Variants in ARHGAP35 observed in about 807,000 individuals in gnomAD.
ARHGAP35 encodes rho GTPase-activating protein 35.
Under a neutral mutation model 111.1 loss-of-function variants are expected in ARHGAP35, and 15 were observed. That is an observed-to-expected ratio of 0.13 (90% CI 0.09 to 0.21). ARHGAP35 has a LOEUF of 0.21. Ranked by LOEUF, ARHGAP35 falls within the 10% of genes least tolerant of loss-of-function variation. The pLI is 1.00. For missense variants in ARHGAP35, 1,262 were observed against 1,873.0 expected, an observed-to-expected ratio of 0.67 and a Z score of 6.02; for synonymous variants, 643 against 710.3, an observed-to-expected ratio of 0.91 and a Z score of 1.51.
chr19:46,929,050 C>A (rs1224726593), intron 2 of ARHGAP35, among the ~76,000 whole-genome samples: 3 of 152,072 alleles, frequency 2.0e-5, no homozygotes, highest in Non-Finnish European at 4.4e-5. Flanking sequence ...GTGGTCCTTC[C>A]TGTTCATCCG....
chr19:46,872,186 G>T (rs1362478471), intron 1 of ARHGAP35, among the ~76,000 whole-genome samples: 1 of 152,108 alleles, frequency 6.6e-6, no homozygotes, highest in Non-Finnish European at 1.5e-5. Context: ...AATACTTGAC[G>T]TGGGAAAGTG....
intron 3 of ARHGAP35, among the ~76,000 whole-genome samples, chr19:46,971,503 G>C (rs1405128533): frequency 2.0e-5 from 3 of 151,224 alleles, no homozygotes; most frequent in Non-Finnish European, 4.4e-5. Context: ...TCTCTTTTTT[G>C]GGGTTTTTTT....
chr19:46,958,158 C>T (rs527254005), intron 3 of ARHGAP35, among the ~76,000 whole-genome samples: 18 of 152,248 alleles, frequency 1.2e-4, no homozygotes, highest in African/African-American at 3.6e-4. Context: ...CCGAGGCGGG[C>T]GGATCACGAG....
chr19:46,937,564 A>G (rs2056316794), intron 3 of ARHGAP35, among the ~76,000 whole-genome samples, 156 bp downstream of exon 3: 1 of 152,180 alleles, frequency 6.6e-6, no homozygotes, highest in African/African-American at 2.4e-5. Flanking sequence ...TCAGATGTGT[A>G]GATTCTCCAT....
intron 1 of ARHGAP35, among the ~76,000 whole-genome samples, chr19:46,890,486 T>C (rs1791626439): frequency 6.6e-6 from 1 of 152,258 alleles, no homozygotes; most frequent in Non-Finnish European, 1.5e-5. Flanking sequence ...GATACACATG[T>C]AAGTGCTCAG....
At position 46,921,012 on chromosome 19, in the gene ARHGAP35, T is replaced by A; in HGVS notation, c.2337T>A (p.Asp779Glu). 6.2e-7 allele frequency: 1 copy of A among 1,614,022 alleles called. No individual in the cohort carries two copies. Among genetic ancestry groups the A allele is most frequent in the South Asian group, 1.1e-5 (1 of 91,088 alleles). ...SSTASIKDLA[D>E]VDLRIVMCLM... ...CTGCTAGCATCAAAGATTTGGCTGA[T>A]GTTGATCTGCGAATTGTTATGTGTC... Residue 779 changes from aspartate to glutamate, a missense_variant, in exon 2 of 7, where the codon GAT becomes GAA. Physicochemically the swap from Asp to Glu is conservative, Grantham distance 45. Coordinates refer to ENST00000672722, the MANE Select transcript of ARHGAP35 (RefSeq NM_004491.5). The surrounding 1 kb of genome is among the most constrained non-coding windows in gnomAD (Gnocchi z 4.3).
intron 1 of ARHGAP35, among the ~76,000 whole-genome samples, chr19:46,877,112 G>C (rs1040863237): frequency 6.6e-6 from 1 of 151,702 alleles, no homozygotes; most frequent in East Asian, 1.9e-4. Context: ...AGTCAGGCGT[G>C]GTGGCGCATG....
intron 1 of ARHGAP35, among the ~76,000 whole-genome samples, chr19:46,861,419 C>G (rs1487415757): frequency 1.3e-5 from 2 of 150,262 alleles, no homozygotes; most frequent in Non-Finnish European, 3.0e-5. Context: ...CCCTCCTGCC[C>G]TTTGGACCTG....
intron 1 of ARHGAP35, among the ~76,000 whole-genome samples, chr19:46,864,682 C>G (rs1599787738): frequency 6.6e-6 from 1 of 152,208 alleles, no homozygotes; most frequent in Admixed American, 6.5e-5. Flanking sequence ...TTAAAATTTT[C>G]TGACAGAATC....
At chr19:46,958,687 G>T (rs1335083228) in intron 3 of ARHGAP35, among the ~76,000 whole-genome samples, 1 of 152,198 alleles carries the variant, frequency 6.6e-6, no homozygotes, top group Admixed American at 6.5e-5. Context: ...CACCAGATGG[G>T]ATCTGAGGAA....
chr19:46,976,445 G>A (rs1353107195), intron 3 of ARHGAP35, among the ~76,000 whole-genome samples: 3 of 152,160 alleles, frequency 2.0e-5, no homozygotes. Context: ...GTGTGCCCTG[G>A]CACACCGCCT....
At position 46,930,063 on chromosome 19, in the gene ARHGAP35, G is replaced by A. The variant is rs941145137; in HGVS notation, c.3682-7201G>A. 3.3e-5 allele frequency among the ~76,000 whole-genome samples: 5 copies of A among 151,910 alleles called. No individual in the cohort carries two copies. The East Asian group carries it at 5.9e-4, about 18-fold the overall frequency. On this transcript the variant is annotated intron_variant, in intron 2 of 6. Transcript: ENST00000672722. Reference sequence around the variant, plus strand: ...CAGGCATGAGTCACTGCACCTGGCTGGTGTTAACTGTTTTTTAAAAAGGCC... The same window carrying A: ...CAGGCATGAGTCACTGCACCTGGCTAGTGTTAACTGTTTTTTAAAAAGGCC...
At chr19:46,866,614 G>A (rs948113125) in intron 1 of ARHGAP35, among the ~76,000 whole-genome samples, 1 of 152,114 alleles carries the variant, frequency 6.6e-6, no homozygotes, top group Non-Finnish European at 1.5e-5. Flanking sequence ...TTAGGACTAA[G>A]CTCCTGTTGC....
At chr19:46,981,572 T>G (rs1242002815) in intron 3 of ARHGAP35, among the ~76,000 whole-genome samples, 2 of 152,196 alleles carry the variant, frequency 1.3e-5, no homozygotes. Flanking sequence ...AAAACCTGTT[T>G]GGATATTTCA....
At chr19:46,867,999 T>G (rs1298921063) in intron 1 of ARHGAP35, among the ~76,000 whole-genome samples, 2 of 152,216 alleles carry the variant, frequency 1.3e-5, no homozygotes, top group Non-Finnish European at 2.9e-5. Flanking sequence ...CCCAAGTAGC[T>G]GGGATTACAG....
Position 46,999,465 on chromosome 19 carries a change from C to A in ARHGAP35, c.4142+56C>A. 8.8e-7 allele frequency: 1 copy of A among 1,130,756 alleles called. No individual in the cohort carries two copies. The highest frequency in any genetic ancestry group is 1.3e-6 in the Non-Finnish European group (1 of 769,290). The allele number at this position is 1,130,756 out of a possible 1,614,324, so 70.0% of individuals were successfully genotyped here. A position where few individuals can be genotyped will look rare whatever the true frequency, so the allele number is the denominator to read the frequency against. On this transcript the variant is annotated intron_variant, in intron 6 of 6. Transcript: ENST00000672722. The surrounding 1 kb of genome is among the most constrained non-coding windows in gnomAD (Gnocchi z 5.4). ...CCTCCTGAAAATTGACAGCCAGGGT[C>A]AGTGTGTCGCAGAACAAGGCTCTGT... is the stretch of plus-strand genomic sequence containing the variant.
Position 46,921,176 on chromosome 19 carries a change from A to C in ARHGAP35, c.2501A>C (p.Glu834Ala), listed in dbSNP as rs776981898. Residue 834 changes from glutamate to alanine, a missense_variant, in exon 2 of 7, where the codon GAA becomes GCA. Glu to Ala is a moderately radical substitution (Grantham distance 107). This residue lies in a region of ARHGAP35 where 579 missense variants were observed against 716.9 expected (regional missense o/e 0.81). Coordinates refer to ENST00000672722, the MANE Select transcript of ARHGAP35 (RefSeq NM_004491.5). This position sits in a 1 kb window ranked among gnomAD's most constrained non-coding sequence, Gnocchi z 4.3. ...ATCGGACTGCACAAGAAGCGGATTG[A>C]ACTGTCTGTTCTTTCATACCATTCC... is the stretch of plus-strand genomic sequence containing the variant. ...LPIGLHKKRI[E>A]LSVLSYHSSF... The C allele has an allele frequency of 3.1e-6, 5 of 1,614,034 alleles. No individual in the cohort carries two copies. The East Asian group carries it at 8.9e-5, about 29-fold the overall frequency.
intron 1 of ARHGAP35, among the ~76,000 whole-genome samples, chr19:46,868,984 C>T (rs1053952623): frequency 1.4e-4 from 18 of 129,774 alleles, no homozygotes; most frequent in Admixed American, 2.7e-4. Flanking sequence ...CAGCTCACTA[C>T]AACCTTCACC....
At position 46,918,158 on chromosome 19, in the gene ARHGAP35, C is replaced by T. The variant is rs1435156053; in HGVS notation, c.-188-330C>T. Among the ~76,000 whole-genome samples the T allele has an allele frequency of 1.3e-5, 2 of 152,120 alleles. No individual in the cohort carries two copies. The highest frequency in any genetic ancestry group is 4.8e-5 in the African/African-American group (2 of 41,430). On this transcript the variant is annotated intron_variant, in intron 1 of 6. Transcript: ENST00000672722. This position sits in a 1 kb window ranked among gnomAD's most constrained non-coding sequence, Gnocchi z 5.4. Reference sequence around the variant, plus strand: ...AGATGCTCCATCGTTTTTTTTCTTGCATAAAAAGATGTTCCAGGCTCATTT... The same window carrying T: ...AGATGCTCCATCGTTTTTTTTCTTGTATAAAAAGATGTTCCAGGCTCATTT...
Sources: allele counts gnomAD v4.1 joint callset (sites outside exome capture counted in the v4.1 genomes callset), GRCh38; gene constraint gnomAD v4.1.1; regional missense constraint gnomAD v4.1.1; non-coding constraint Gnocchi (gnomAD v3.1); transcripts MANE v1.5; gene names NCBI Gene and HGNC (gene_info 2026-07-23, HGNC 2026-07-21).